DUXB: variants seen among roughly 807,000 people sequenced by gnomAD.
The protein encoded by DUXB is double homeobox B.
DUXB carries 22 observed loss-of-function variants against 8.9 expected under a neutral mutation model. The observed-to-expected ratio is 2.46, with a 90% CI of 1.76 to 3.52. DUXB has a LOEUF of 3.52. DUXB is among the 30% of genes most tolerant of loss of function. DUXB has a pLI of 0.00. For synonymous variants in DUXB, 84 were observed against 37.6 expected (o/e 2.23, Z -4.52); for missense variants, 237 against 108.7 (o/e 2.18, Z -5.25).
At chr16:75,696,236 T>C (rs778464306) in intron 3 of DUXB, 121 bp from the exon 4 acceptor site, 8 of 628,026 alleles carry the variant, frequency 1.3e-5, no homozygotes, top group East Asian at 1.1e-4. Context: ...GAAGAGGTCA[T>C]TGCTCTGCAG....
chr16:75,695,576 G>A (rs144098743), intron 4 of DUXB, among the ~76,000 whole-genome samples: 15 of 152,296 alleles, frequency 9.8e-5, no homozygotes, highest in African/African-American at 2.9e-4. Context: ...TCACAAATAG[G>A]GGGGAGAGAA....
At chr16:75,699,803 C>T (rs1013834255) in intron 2 of DUXB, among the ~76,000 whole-genome samples, 1 of 152,206 alleles carries the variant, frequency 6.6e-6, no homozygotes, top group African/African-American at 2.4e-5. Context: ...CCTCGTCATC[C>T]GCCTGCCTTG....
chr16:75,696,805 G>A (rs754043736), intron 3 of DUXB, 33 bp downstream of exon 3: 4 of 691,684 alleles, frequency 5.8e-6, no homozygotes, highest in Middle Eastern at 2.3e-4. Flanking sequence ...TGGGCACAAC[G>A]TACTCTCAAT....
In DUXB at chr16:75,700,097, C is replaced by T. The variant is rs1176220081; in HGVS notation, c.98G>A (p.Trp33Ter). Reference sequence around the variant, plus strand: ...ATCAGGGAAAGGGTCATGTTGAAACCATGATTGGAGGATATCCTTTTGACT... The same window carrying T: ...ATCAGGGAAAGGGTCATGTTGAAACTATGATTGGAGGATATCCTTTTGACT... ...NQSQKDILQS[W>*]FQHDPFPDKA... Residue 33 changes from tryptophan to a stop codon, truncating the protein, a stop_gained, in exon 2 of 5, where the codon TGG becomes TAG. Transcript: ENST00000633875. LOFTEE classifies it high-confidence loss of function. The T allele has an allele frequency of 1.4e-6, 1 of 702,790 alleles. No individual in the cohort carries two copies. The highest frequency in any genetic ancestry group is 2.6e-6 in the Non-Finnish European group (1 of 384,926). 43.5% of individuals were successfully genotyped at this position (702,790 alleles called of 1,614,324 possible). A position where few individuals can be genotyped will look rare whatever the true frequency, so the allele number is the denominator to read the frequency against.
intron 1 of DUXB, among the ~76,000 whole-genome samples, chr16:75,700,501 A>T (rs1011107241): frequency 6.7e-6 from 1 of 150,288 alleles, no homozygotes; most frequent in African/African-American, 2.5e-5. Flanking sequence ...CCATTTTGTT[A>T]ATTATTATTA....
intron 3 of DUXB, 64 bp from the exon 4 acceptor site, chr16:75,696,179 A>C: frequency 1.5e-6 from 1 of 688,912 alleles, no homozygotes; most frequent in Non-Finnish European, 2.6e-6. Context: ...CAAACCCATG[A>C]AGATAATGCT....
At position 75,696,025 on chromosome 16, in the gene DUXB, A is replaced by G. The variant is rs778288558; in HGVS notation, c.377T>C (p.Phe126Ser). The change falls in exon 4 of 5, where the codon TTC (phenylalanine) becomes TCC (serine). Residue 126 changes from phenylalanine to serine, a missense_variant. Phe to Ser is a radical substitution (Grantham distance 155). Transcript: ENST00000633875. Reference protein sequence around the residue: ...RLVQAFERNPFPDIATRKKLA... With the variant: ...RLVQAFERNPSPDIATRKKLA... The stretch of plus-strand genomic sequence containing the variant: ...TTTTTTTCTGGTAGCAATATCAGGG[A>G]ATGGGTTCCTCTCAAAGGCTTGCAC... The G allele has an allele frequency of 4.3e-6, 3 of 702,994 alleles. No individual in the cohort carries two copies. The highest frequency in any genetic ancestry group is 2.0e-5 in the Admixed American group (1 of 50,008). 43.5% of individuals were successfully genotyped at this position (702,994 alleles called of 1,614,324 possible). A position where few individuals can be genotyped will look rare whatever the true frequency, so the allele number is the denominator to read the frequency against.
At position 75,696,875 on chromosome 16, in the gene DUXB, T is replaced by C; in HGVS notation, c.249A>G (p.Gln83=). The C allele has an allele frequency of 1.4e-6, 1 of 702,982 alleles. No individual in the cohort carries two copies. Among genetic ancestry groups the C allele is most frequent in the Non-Finnish European group, 2.6e-6 (1 of 385,004 alleles). 43.5% of individuals were successfully genotyped at this position (702,982 alleles called of 1,614,324 possible). A position where few individuals can be genotyped will look rare whatever the true frequency, so the allele number is the denominator to read the frequency against. The change falls in exon 3 of 5, where the codon CAA becomes CAG. Residue 83 remains glutamine, a synonymous_variant. Transcript: ENST00000633875. ...GCTGGGACTGGTCATGCCCCTGGGT[T>C]TGATCTTTTTCTGAGAAGCACTTAT... ...LDYKCFSEKD[Q]TQGHDQSQHL...
chr16:75,694,413 G>A lies in DUXB; in HGVS notation c.554C>T (p.Pro185Leu). 1.4e-6 allele frequency: 1 copy of A among 698,622 alleles called. No individual in the cohort carries two copies. Among genetic ancestry groups the A allele is most frequent in the South Asian group, 1.5e-5 (1 of 66,590 alleles). 43.3% of individuals were successfully genotyped at this position (698,622 alleles called of 1,614,324 possible). ...ERPDATVGWH[P>L]INLFLPTDSS... ...GTCTGTGGGGAGGAACAGGTTGATT[G>A]GATGCCACCCAACAGTTGCATCTGG... The change falls in exon 5 of 5, where the codon CCA (proline) becomes CTA (leucine). Residue 185 changes from proline (P) to leucine (L), a missense_variant. Coordinates refer to ENST00000633875, the MANE Select transcript of DUXB (RefSeq NM_001351307.2).
Position 75,697,579 on chromosome 16 carries a change from T to A in DUXB, c.181-636A>T, listed in dbSNP as rs193264019. Among the ~76,000 whole-genome samples the A allele has an allele frequency of 1.6e-3, 249 of 152,346 alleles. 2 individuals carry two copies. The highest frequency in any genetic ancestry group is 6.8e-3 in the Middle Eastern group (2 of 294). ...ACTAGAGTCAGAATTGCAATATATTTTCTAATGATTTCTAAGTGTTATTAT... is the reference window on the plus strand; with the variant it reads ...ACTAGAGTCAGAATTGCAATATATTATCTAATGATTTCTAAGTGTTATTAT... On this transcript the variant is annotated intron_variant, in intron 2 of 4. Coordinates refer to ENST00000633875, the MANE Select transcript of DUXB (RefSeq NM_001351307.2).
At chr16:75,698,210 C>A (rs1015408119) in intron 2 of DUXB, among the ~76,000 whole-genome samples, 4 of 152,176 alleles carry the variant, frequency 2.6e-5, no homozygotes, top group African/African-American at 9.7e-5. Context: ...ACCATGATTC[C>A]AAGTGGGACT....
At chr16:75,697,652 C>T (rs150215626) in intron 2 of DUXB, among the ~76,000 whole-genome samples, 110 of 152,252 alleles carry the variant, frequency 7.2e-4, no homozygotes, top group African/African-American at 2.3e-3. Flanking sequence ...TTAATGACAA[C>T]GAATATCCAA....
intron 2 of DUXB, among the ~76,000 whole-genome samples, chr16:75,698,205 G>T (rs1279863769): frequency 6.6e-6 from 1 of 152,212 alleles, no homozygotes; most frequent in Non-Finnish European, 1.5e-5. Context: ...TTTTCACCAT[G>T]ATTCCAAGTG....
intron 2 of DUXB, among the ~76,000 whole-genome samples, chr16:75,699,138 A>C (rs943578493): frequency 1.4e-4 from 21 of 152,150 alleles, no homozygotes; most frequent in African/African-American, 5.1e-4. Flanking sequence ...GGGTCACCCT[A>C]CCCAGTCCAG....
rs1167657175 is a variant in DUXB, at chr16:75,694,495, G to C, written c.472C>G (p.Leu158Val). The stretch of plus-strand genomic sequence containing the variant: ...ATGGGCTCCATTCTGCTCTTCTTGA[G>C]GTACAGAGATCTTTGTTTCTGAAAC... ...MWFQKQRSLYLKKSRMEPMNL... is the reference protein window; with the variant it reads ...MWFQKQRSLYVKKSRMEPMNL... The change falls in exon 5 of 5, where the codon CTC becomes GTC. Residue 158 changes from leucine (L) to valine (V), a missense_variant. By Grantham distance (32) the Leu-to-Val change is conservative. Coordinates refer to ENST00000633875, the MANE Select transcript of DUXB (RefSeq NM_001351307.2). The C allele has an allele frequency of 7.1e-6, 5 of 702,886 alleles. No individual in the cohort carries two copies. Among genetic ancestry groups the C allele is most frequent in the Non-Finnish European group, 1.3e-5 (5 of 384,998 alleles). The allele number at this position is 702,886 out of a possible 1,614,324, so 43.5% of individuals were successfully genotyped here.
In DUXB at chr16:75,696,834, T is replaced by C; in HGVS notation, c.286+4A>G. The C allele has an allele frequency of 1.4e-6, 1 of 702,538 alleles. No individual in the cohort carries two copies. Among genetic ancestry groups the C allele is most frequent in the Non-Finnish European group, 2.6e-6 (1 of 384,876 alleles). The allele number at this position is 702,538 out of a possible 1,614,324, so 43.5% of individuals were successfully genotyped here. On this transcript the variant is annotated splice_donor_region_variant and intron_variant, in intron 3 of 4. Coordinates refer to ENST00000633875, the MANE Select transcript of DUXB (RefSeq NM_001351307.2). The stretch of plus-strand genomic sequence containing the variant: ...TCTCAATGGGACCCATTGAGCATTC[T>C]TACCTTGAGTCAGATGCTGGGACTG...
chr16:75,697,056 C>T lies in DUXB; in HGVS notation c.181-113G>A, dbSNP rs1175486098. The T allele has an allele frequency of 4.8e-6, 3 of 623,744 alleles. No homozygotes were observed. In the African/African-American group the frequency reaches 5.5e-5, roughly 11 times the overall value. 38.6% of individuals were successfully genotyped at this position (623,744 alleles called of 1,614,324 possible). On this transcript the variant is annotated intron_variant, in intron 2 of 4. Coordinates refer to ENST00000633875, the MANE Select transcript of DUXB (RefSeq NM_001351307.2). ...GACTGCCTGTGGCTGGAATAATGCC[C>T]ACAAGAGAAAGGCAATCCATTATCC...
chr16:75,696,379 C>T (rs1209182161), intron 3 of DUXB, among the ~76,000 whole-genome samples: 2 of 152,056 alleles, frequency 1.3e-5, no homozygotes, highest in African/African-American at 2.4e-5. Flanking sequence ...GGTGAAACCC[C>T]GTTTCTACTA....
At chr16:75,700,814 T>G (rs921768638) in intron 1 of DUXB, among the ~76,000 whole-genome samples, 1 of 152,142 alleles carries the variant, frequency 6.6e-6, no homozygotes, top group African/African-American at 2.4e-5. Flanking sequence ...TACTGTTAAT[T>G]ATTACTCTGT....
Sources: gnomAD v4.1 joint callset for allele counts (sites outside exome capture counted in the v4.1 genomes callset) on GRCh38, gnomAD v4.1.1 for gene constraint, MANE v1.5 for transcripts, NCBI Gene and HGNC (gene_info 2026-07-23, HGNC 2026-07-21) for gene names.